The following PRDM16 variants were observed in gnomAD, a reference collection of about 807,000 sequenced individuals.
PRDM16 encodes the protein PR/SET domain 16.
Under a neutral mutation model 110.6 loss-of-function variants are expected in PRDM16, and 23 were observed. That is an observed-to-expected ratio of 0.21 (90% CI 0.15 to 0.29). PRDM16 has a LOEUF of 0.29. PRDM16 is among the 10% of genes least tolerant of loss of function. The pLI, the probability that PRDM16 is intolerant of heterozygous loss-of-function variation, is 1.00. For missense variants in PRDM16, 1,615 were observed against 1,794.3 expected (o/e 0.90, Z 1.81); for synonymous variants, 799 against 781.8 (o/e 1.02, Z -0.37).
In PRDM16 at chr1:3,221,130, T is replaced by TG. The variant is rs1442000762; in HGVS notation, c.388-22954dup. On this transcript the variant is annotated intron_variant, in intron 2 of 16. Coordinates refer to ENST00000270722, the MANE Select transcript of PRDM16 (RefSeq NM_022114.4). ...CCATGCCGACACTGGCTTAGGGCCT[T>TG]GGGACGTGTGCAACCTCACCGTGTG... is the stretch of plus-strand genomic sequence containing the variant. Among the ~76,000 whole-genome samples the TG allele has an allele frequency of 3.9e-5, 6 of 152,184 alleles. 1 individual carries two copies. Among genetic ancestry groups the TG allele is most frequent in the Admixed American group, 3.3e-4 (5 of 15,272 alleles).
rs75120487 is a variant in PRDM16 at position 3,417,242 on chromosome 1, T to C, written c.2692-586T>C. Among the ~76,000 whole-genome samples the C allele has an allele frequency of 3.5e-3, 531 of 152,394 alleles. 3 individuals carry two copies. The highest frequency in any genetic ancestry group is 0.012 in the African/African-American group (512 of 41,594). The stretch of plus-strand genomic sequence containing the variant: ...AATATTTCCTTTGTGGGTTTAAGTC[T>C]TAAAGAGGCTGTTGAATTCCTTAGT... On this transcript the variant is annotated intron_variant, in intron 10 of 16. Coordinates refer to ENST00000270722, the MANE Select transcript of PRDM16 (RefSeq NM_022114.4).
chr1:3,074,604 C>T (rs1641850517), intron 1 of PRDM16, among the ~76,000 whole-genome samples: 2 of 152,164 alleles, frequency 1.3e-5, no homozygotes, highest in South Asian at 4.1e-4. Context: ...CCTGCCCCTT[C>T]TGTGGGTGTT....
At chr1:3,256,617 G>A (rs1640052085) in intron 3 of PRDM16, among the ~76,000 whole-genome samples, 2 of 152,182 alleles carry the variant, frequency 1.3e-5, no homozygotes, top group Non-Finnish European at 2.9e-5. Flanking sequence ...CCAGCACTTT[G>A]GGAGGCCGAG....
intron 3 of PRDM16, among the ~76,000 whole-genome samples, chr1:3,261,706 G>A (rs1482546675): frequency 6.6e-6 from 1 of 152,172 alleles, no homozygotes; most frequent in African/African-American, 2.4e-5. Flanking sequence ...AGACCCCCAG[G>A]GACCTCCTCC....
chr1:3,402,258 C>G (rs565799559), intron 5 of PRDM16, among the ~76,000 whole-genome samples: 1 of 106,736 alleles, frequency 9.4e-6, no homozygotes, highest in Admixed American at 1.0e-4. Context: ...GAGGCAGGGA[C>G]GGGCCCAGAG....
intron 3 of PRDM16, among the ~76,000 whole-genome samples, chr1:3,357,698 C>T (rs1275708539): frequency 3.3e-5 from 5 of 152,234 alleles, no homozygotes; most frequent in South Asian, 4.1e-4. Flanking sequence ...CCTCTGCCTC[C>T]GGAGCAGTGG....
chr1:3,126,470 C>T (rs1048177928), intron 1 of PRDM16, among the ~76,000 whole-genome samples: 7 of 152,338 alleles, frequency 4.6e-5, no homozygotes, highest in Non-Finnish European at 7.4e-5. Context: ...GGGGTCCAGA[C>T]AGCCCTCAAC....
chr1:3,357,752 G>A (rs753508976), intron 3 of PRDM16, among the ~76,000 whole-genome samples: 18 of 152,336 alleles, frequency 1.2e-4, no homozygotes, highest in Non-Finnish European at 2.1e-4. Flanking sequence ...CTGACCCCCA[G>A]GGGACACTGG....
chr1:3,094,982 C>T (rs1210406000), intron 1 of PRDM16, among the ~76,000 whole-genome samples: 2 of 152,234 alleles, frequency 1.3e-5, no homozygotes, highest in African/African-American at 2.4e-5. Context: ...GGGGGAATTG[C>T]CCGTGCTGGG....
intron 1 of PRDM16, among the ~76,000 whole-genome samples, chr1:3,129,150 GT>G (rs1643277656): frequency 6.6e-6 from 1 of 150,982 alleles, no homozygotes; most frequent in East Asian, 2.0e-4. Flanking sequence ...CCTGCCTGGC[GT>G]GCGTGTGTGG....
rs771454903 is a variant in PRDM16, at chr1:3,433,774, C to G, written c.3794C>G (p.Ser1265Trp). Residue 1265 changes from serine to tryptophan, a missense_variant, in exon 17 of 17, where the codon TCG becomes TGG. Coordinates refer to ENST00000270722, the MANE Select transcript of PRDM16 (RefSeq NM_022114.4). Reference sequence around the variant, plus strand: ...TGGTTGAAGGTCACTGGAGCCACGTCGGAGTCTGGAGCATTTCACCCCATC... The same window carrying G: ...TGGTTGAAGGTCACTGGAGCCACGTGGGAGTCTGGAGCATTTCACCCCATC... Reference protein sequence around the residue: ...DAWLKVTGATSESGAFHPINH... With the variant: ...DAWLKVTGATWESGAFHPINH... 1 of 1,613,728 alleles carries G rather than the reference C, an allele frequency of 6.2e-7. No individual in the cohort carries two copies.
chr1:3,293,861 G>A (rs1328685656), intron 3 of PRDM16, among the ~76,000 whole-genome samples: 3 of 152,190 alleles, frequency 2.0e-5, no homozygotes, highest in Non-Finnish European at 2.9e-5. Flanking sequence ...GGCGTGGCCC[G>A]GCCCCGGCAG....
In PRDM16 at chr1:3,231,828, T is replaced by C. The variant is rs1368387065; in HGVS notation, c.388-12259T>C. 2.6e-5 allele frequency among the ~76,000 whole-genome samples: 4 copies of C among 152,178 alleles called. No homozygotes were observed. In the East Asian group the frequency reaches 7.7e-4, roughly 29 times the overall value. ...GGGCAGCCTTTCACCTGCCAGGCCTTCCTGGTTCAGCTTCTCCACTAACTC... is the reference window on the plus strand; with the variant it reads ...GGGCAGCCTTTCACCTGCCAGGCCTCCCTGGTTCAGCTTCTCCACTAACTC... On this transcript the variant is annotated intron_variant, in intron 2 of 16. Coordinates refer to ENST00000270722, the MANE Select transcript of PRDM16 (RefSeq NM_022114.4).
intron 2 of PRDM16, among the ~76,000 whole-genome samples, chr1:3,186,973 CA>C (rs879263447): frequency 5.5e-4 from 84 of 152,360 alleles, no homozygotes; most frequent in Middle Eastern, 3.4e-3. Flanking sequence ...TCTCCAACTC[CA>C]GGGGCACAGG....
At chr1:3,399,882 CCCATCTCAGCCT>C (rs1643439389) in intron 5 of PRDM16, among the ~76,000 whole-genome samples, 1 of 152,136 alleles carries the variant, frequency 6.6e-6, no homozygotes, top group Non-Finnish European at 1.5e-5. Flanking sequence ...GGCTGGAGGC[CCCATCTCAGCCT>C]CCTTCCAGCC....
At chr1:3,089,834 T>C (rs1642234266) in intron 1 of PRDM16, among the ~76,000 whole-genome samples, 1 of 152,208 alleles carries the variant, frequency 6.6e-6, no homozygotes, top group Non-Finnish European at 1.5e-5. Flanking sequence ...GCTGGTGACT[T>C]GCTCCAACTT....
intron 3 of PRDM16, among the ~76,000 whole-genome samples, chr1:3,293,203 C>T (rs2500294): frequency 0.63 from 95,869 of 152,130 alleles, 31,094 homozygotes; most frequent in African/African-American, 0.77. Flanking sequence ...ATGAACCTGC[C>T]TCTGTAGAGG....
intron 1 of PRDM16, among the ~76,000 whole-genome samples, chr1:3,146,611 T>TGGG (rs201665633): frequency 7.6e-6 from 1 of 130,734 alleles, no homozygotes; most frequent in African/African-American, 3.1e-5. Flanking sequence ...GTGCTCAGTG[T>TGGG]GGGGGGTGTG....
intron 3 of PRDM16, among the ~76,000 whole-genome samples, chr1:3,336,684 GT>G (rs1052122849): frequency 2.0e-5 from 3 of 150,644 alleles, no homozygotes; most frequent in Non-Finnish European, 2.9e-5. Context: ...ACACATATGT[GT>G]TTTTGTGAAT....
Sources: gnomAD v4.1 joint callset for allele counts (sites outside exome capture counted in the v4.1 genomes callset) on GRCh38, gnomAD v4.1.1 for gene constraint, MANE v1.5 for transcripts, NCBI Gene and HGNC (gene_info 2026-07-23, HGNC 2026-07-21) for gene names.